TBL1XR1: variants seen among roughly 807,000 people sequenced by gnomAD.
TBL1XR1 encodes F-box-like/WD repeat-containing protein TBL1XR1.
A neutral mutation model predicts 66.9 loss-of-function variants in TBL1XR1; 5 were observed. The ratio of observed to expected loss-of-function variants is 0.07; its 90% CI spans 0.04 to 0.16. The LOEUF (loss-of-function observed/expected upper bound fraction) is 0.16. Ranked by LOEUF, TBL1XR1 falls within the 10% of genes least tolerant of loss-of-function variation. The probability of loss-of-function intolerance (pLI) is 1.00; values close to 1 mark genes in which losing one functional copy is unlikely to be tolerated. For missense variants in TBL1XR1, 238 were observed against 623.2 expected (o/e 0.38, Z 6.58); for synonymous variants, 210 against 206.0 (o/e 1.02, Z -0.17).
intron 2 of TBL1XR1, among the ~76,000 whole-genome samples, chr3:177,076,934 C>A (rs1207442024): frequency 5.3e-5 from 8 of 152,218 alleles, no homozygotes; most frequent in African/African-American, 1.9e-4. Flanking sequence ...GTGATACACA[C>A]TATATCCAAT....
At chr3:177,129,085 A>G (rs149442479) in intron 1 of TBL1XR1, among the ~76,000 whole-genome samples, 1 of 152,330 alleles carries the variant, frequency 6.6e-6, no homozygotes, top group African/African-American at 2.4e-5. Context: ...TCTAAGGGCT[A>G]TGGGATGCTC....
At chr3:177,091,068 A>C (rs1222863144) in intron 2 of TBL1XR1, 1 of 148,364 alleles carries the variant, frequency 6.7e-6, no homozygotes, top group African/African-American at 2.6e-5. Flanking sequence ...AATTGGGGAG[A>C]TAGGGGAGGG....
intron 1 of TBL1XR1, among the ~76,000 whole-genome samples, chr3:177,113,364 T>C (rs776830037): frequency 4.0e-5 from 6 of 151,862 alleles, no homozygotes; most frequent in East Asian, 1.9e-4. Context: ...AAAGCAAAAA[T>C]AGACAAATGG....
intron 15 of TBL1XR1, among the ~76,000 whole-genome samples, 151 bp from the exon 16 acceptor site, chr3:177,025,675 G>T (rs138799778): frequency 3.3e-5 from 5 of 152,176 alleles, no homozygotes; most frequent in Non-Finnish European, 5.9e-5. Context: ...GCACTTAACT[G>T]ACAGAAATCA....
At chr3:177,118,476 T>G (rs1297647726) in intron 1 of TBL1XR1, among the ~76,000 whole-genome samples, 1 of 152,088 alleles carries the variant, frequency 6.6e-6, no homozygotes, top group Non-Finnish European at 1.5e-5. Context: ...AAATGCAGCT[T>G]CTTATACTCA....
At chr3:177,191,088 A>AGT (rs201346847) in intron 1 of TBL1XR1, among the ~76,000 whole-genome samples, 2 of 152,146 alleles carry the variant, frequency 1.3e-5, no homozygotes, top group African/African-American at 4.8e-5. Context: ...GTATGGCAAA[A>AGT]ACTACCGTAT....
At chr3:177,055,904 T>G (rs560615450) in intron 3 of TBL1XR1, among the ~76,000 whole-genome samples, 1 of 152,322 alleles carries the variant, frequency 6.6e-6, no homozygotes, top group Non-Finnish European at 1.5e-5. Flanking sequence ...TACACACATA[T>G]AATTTTATTA....
At chr3:177,096,323 A>AACAT (rs1210085547) in intron 2 of TBL1XR1, among the ~76,000 whole-genome samples, 3 of 106,018 alleles carry the variant, frequency 2.8e-5, no homozygotes, top group Non-Finnish European at 6.3e-5. Flanking sequence ...AACACACACT[A>AACAT]ACATACATAC....
At chr3:177,071,995 A>G (rs1720081290) in intron 2 of TBL1XR1, among the ~76,000 whole-genome samples, 1 of 152,198 alleles carries the variant, frequency 6.6e-6, no homozygotes, top group Non-Finnish European at 1.5e-5. Context: ...TCACTCCATA[A>G]CCACACTGAG....
chr3:177,081,743 C>CA (rs34501803), intron 2 of TBL1XR1, among the ~76,000 whole-genome samples: 50 of 129,686 alleles, frequency 3.9e-4, no homozygotes, highest in East Asian at 3.0e-3. Flanking sequence ...ACCCTGACTT[C>CA]AAAAAAAAAA....
intron 1 of TBL1XR1, among the ~76,000 whole-genome samples, chr3:177,164,903 T>C (rs921428445): frequency 6.6e-6 from 1 of 152,146 alleles, no homozygotes; most frequent in South Asian, 2.1e-4. Context: ...GTAGGAAAAA[T>C]TGTATATTTA....
At chr3:177,108,357 C>G (rs937815758) in intron 1 of TBL1XR1, among the ~76,000 whole-genome samples, 13 of 152,242 alleles carry the variant, frequency 8.5e-5, no homozygotes, top group African/African-American at 3.1e-4. Context: ...CCTCTGCCAT[C>G]TTTAGAAACT....
At chr3:177,097,151 T>C (rs746046000) in intron 2 of TBL1XR1, among the ~76,000 whole-genome samples, 13 of 152,228 alleles carry the variant, frequency 8.5e-5, no homozygotes, top group Non-Finnish European at 1.8e-4. Context: ...TAACTTTTAA[T>C]AGTTTTTCTT....
In TBL1XR1 at chr3:177,192,062, C is replaced by T. The variant is rs1414142736; in HGVS notation, c.-122+5059G>A. On this transcript the variant is annotated intron_variant, in intron 1 of 15. Transcript: ENST00000457928. The stretch of plus-strand genomic sequence containing the variant: ...GAGCCGAGATCGCACCATTGCACTC[C>T]AGCATGGGTGACAGAGCAAGACTCT... Among the ~76,000 whole-genome samples the T allele has an allele frequency of 3.4e-5, 5 of 145,098 alleles. No individual in the cohort carries two copies. The East Asian group carries it at 1.0e-3, about 30-fold the overall frequency.
rs200715492 is a variant in TBL1XR1 at position 177,139,539 on chromosome 3, GGA to G, written c.-121-41000_-121-40999del. On this transcript the variant is annotated intron_variant, in intron 1 of 15. Transcript: ENST00000457928. ...GACAAAGCAAGACTCCATCTCGGGGGGAAAAAAAAAAATTAAAGCATAAAAAT... is the reference window on the plus strand; with the variant it reads ...GACAAAGCAAGACTCCATCTCGGGGGAAAAAAAAAATTAAAGCATAAAAAT... 2.5e-3 allele frequency among the ~76,000 whole-genome samples: 377 copies of G among 149,136 alleles called. 2 individuals are homozygous for G. Among genetic ancestry groups the G allele is most frequent in the African/African-American group, 7.3e-3 (295 of 40,650 alleles).
Position 177,185,077 on chromosome 3 carries a change from T to A in TBL1XR1, c.-122+12044A>T, listed in dbSNP as rs1004311181. Among the ~76,000 whole-genome samples the A allele has an allele frequency of 9.8e-4, 148 of 151,082 alleles. 2 individuals are homozygous for A. Among genetic ancestry groups the A allele is most frequent in the Admixed American group, 2.0e-4 (3 of 15,184 alleles). On this transcript the variant is annotated intron_variant, in intron 1 of 15. Coordinates refer to ENST00000457928, the MANE Select transcript of TBL1XR1 (RefSeq NM_024665.7). Reference sequence around the variant, plus strand: ...TTAACCACATGCCTCGATTTTTCAATTTTTTTTTCAAAATGGTAATAAGAA... The same window carrying A: ...TTAACCACATGCCTCGATTTTTCAAATTTTTTTTCAAAATGGTAATAAGAA...
At chr3:177,060,010 G>T (rs917619170) in intron 3 of TBL1XR1, among the ~76,000 whole-genome samples, 1 of 152,122 alleles carries the variant, frequency 6.6e-6, no homozygotes, top group African/African-American at 2.4e-5. Flanking sequence ...TTACACCAGT[G>T]GTTTACCAGG....
At chr3:177,073,086 T>C (rs1039844179) in intron 2 of TBL1XR1, among the ~76,000 whole-genome samples, 6 of 152,030 alleles carry the variant, frequency 3.9e-5, no homozygotes, top group African/African-American at 1.2e-4. Flanking sequence ...AAAAATACAT[T>C]AGTAAGTAAT....
intron 1 of TBL1XR1, among the ~76,000 whole-genome samples, chr3:177,186,148 T>A (rs1438505165): frequency 1.3e-5 from 2 of 152,162 alleles, no homozygotes; most frequent in African/African-American, 4.8e-5. Context: ...CACCTGGGGT[T>A]TTTTTGCACA....
Sources: gnomAD v4.1 joint callset for allele counts (sites outside exome capture counted in the v4.1 genomes callset) on GRCh38, gnomAD v4.1.1 for gene constraint, MANE v1.5 for transcripts, NCBI Gene and HGNC (gene_info 2026-07-23, HGNC 2026-07-21) for gene names.